Variants in RBFOX1 observed in about 807,000 individuals in gnomAD.
The protein encoded by RBFOX1 is RNA binding fox-1 homolog 1.
A neutral mutation model predicts 57.7 loss-of-function variants in RBFOX1; 8 were observed. The observed-to-expected ratio is 0.14, with a 90% CI of 0.08 to 0.25. RBFOX1 has a LOEUF of 0.25. RBFOX1 is among the 10% of genes least tolerant of loss of function. RBFOX1 has a pLI of 1.00. For missense variants in RBFOX1, 611 were observed against 548.5 expected (o/e 1.11, Z -1.14); for synonymous variants, 326 against 222.4 (o/e 1.47, Z -4.15).
At chr16:5,425,532 C>A (rs1049005558) in intron 1 of RBFOX1, among the ~76,000 whole-genome samples, 1 of 152,220 alleles carries the variant, frequency 6.6e-6, no homozygotes, top group Admixed American at 6.5e-5. Context: ...ATGCTATTTA[C>A]CAAATTGGGC....
chr16:6,928,228 C>G (rs1296958239), intron 3 of RBFOX1, among the ~76,000 whole-genome samples: 1 of 152,154 alleles, frequency 6.6e-6, no homozygotes, highest in East Asian at 1.9e-4. Flanking sequence ...CCCGAAGATT[C>G]TGATTTAATT....
At chr16:7,012,707 T>C (rs2093710739) in intron 3 of RBFOX1, among the ~76,000 whole-genome samples, 1 of 152,124 alleles carries the variant, frequency 6.6e-6, no homozygotes, top group Non-Finnish European at 1.5e-5. Flanking sequence ...GAGGCCAGAG[T>C]GACTTGCTTT....
chr16:6,157,277 G>A (rs900262277), intron 1 of RBFOX1, among the ~76,000 whole-genome samples: 10 of 152,130 alleles, frequency 6.6e-5, no homozygotes, highest in Non-Finnish European at 1.2e-4. Flanking sequence ...GCAAACAGGT[G>A]GCCAAGGTAA....
chr16:5,756,674 A>C (rs80263893), intron 3 of RBFOX1, among the ~76,000 whole-genome samples: 5,590 of 152,184 alleles, frequency 0.037, 331 homozygotes, highest in African/African-American at 0.13. Flanking sequence ...TTGATAACTA[A>C]TTTCCTCAAT....
At chr16:6,236,000 T>A (rs923643594) in intron 1 of RBFOX1, among the ~76,000 whole-genome samples, 2 of 151,832 alleles carry the variant, frequency 1.3e-5, no homozygotes, top group African/African-American at 4.8e-5. Flanking sequence ...CAATAACCTA[T>A]GGAAATAAAA....
intron 2 of RBFOX1, among the ~76,000 whole-genome samples, chr16:6,553,556 C>G (rs1319979898): frequency 2.0e-5 from 3 of 152,206 alleles, no homozygotes; most frequent in Non-Finnish European, 4.4e-5. Context: ...GTCACCAAGT[C>G]TATCTAATCA....
Position 7,052,096 on chromosome 16 carries a change from A to G in RBFOX1, c.25A>G (p.Arg9Gly), listed in dbSNP as rs750591835. MNCEREQL[R>G]GNQEAAAAPD... ...GATGAATTGTGAAAGAGAGCAGCTA[A>G]GGGTAGGTGCACCTGCTTGTAAAAT... Residue 9 changes from arginine (R) to glycine (G), a missense_variant and splice_region_variant, in exon 4 of 16, where the codon AGG becomes GGG. Around this residue, in one of 3 missense-constraint regions of RBFOX1, gnomAD observed 245 missense variants for 159.1 expected, o/e 1.54. Transcript: ENST00000550418. 6.2e-7 allele frequency: 1 copy of G among 1,607,646 alleles called. No individual in the cohort carries two copies.
chr16:7,213,180 A>G (rs1027254424), intron 4 of RBFOX1, among the ~76,000 whole-genome samples: 1 of 152,228 alleles, frequency 6.6e-6, no homozygotes, highest in Non-Finnish European at 1.5e-5. Flanking sequence ...TGTCAGGATC[A>G]GGAGAAATGC....
At chr16:6,698,600 T>C (rs143339875) in intron 3 of RBFOX1, among the ~76,000 whole-genome samples, 1 of 152,258 alleles carries the variant, frequency 6.6e-6, no homozygotes, top group Non-Finnish European at 1.5e-5. Context: ...CCCCACAGGG[T>C]CTAACATGCC....
intron 11 of RBFOX1, among the ~76,000 whole-genome samples, chr16:7,637,248 T>C (rs1472659101): frequency 2.0e-5 from 3 of 148,792 alleles, no homozygotes; most frequent in Admixed American, 6.7e-5. Flanking sequence ...CCTGAAATTT[T>C]CACCCTGATA....
At chr16:7,298,402 C>G (rs558884871) in intron 4 of RBFOX1, among the ~76,000 whole-genome samples, 1 of 149,512 alleles carries the variant, frequency 6.7e-6, no homozygotes, top group African/African-American at 2.5e-5. Context: ...GATTCTCATG[C>G]GTCTGCCTCC....
intron 3 of RBFOX1, among the ~76,000 whole-genome samples, chr16:6,939,808 G>C (rs112538227): frequency 2.6e-5 from 4 of 152,188 alleles, no homozygotes; most frequent in African/African-American, 9.6e-5. Context: ...CATCATGCTG[G>C]ACCAGAATTT....
intron 1 of RBFOX1, among the ~76,000 whole-genome samples, chr16:5,383,269 G>A (rs2066174028): frequency 6.6e-6 from 1 of 152,114 alleles, no homozygotes; most frequent in Non-Finnish European, 1.5e-5. Context: ...TATAAGTGGC[G>A]CCCACTGGTG....
chr16:7,232,813 A>G (rs1017067584), intron 4 of RBFOX1, among the ~76,000 whole-genome samples: 2 of 147,274 alleles, frequency 1.4e-5, no homozygotes, highest in African/African-American at 5.0e-5. Flanking sequence ...TGGTCATTAC[A>G]CTCCAGCCTG....
chr16:7,051,275 T>C (rs2153728703), intron 3 of RBFOX1, among the ~76,000 whole-genome samples: 1 of 152,334 alleles, frequency 6.6e-6, no homozygotes, highest in Non-Finnish European at 1.5e-5. Context: ...TTCCTTTTTA[T>C]TTGTGTCCTT....
intron 2 of RBFOX1, among the ~76,000 whole-genome samples, chr16:5,547,213 A>G (rs1420248349): frequency 6.6e-6 from 1 of 152,214 alleles, no homozygotes; most frequent in African/African-American, 2.4e-5. Flanking sequence ...CTGGTTCAAC[A>G]TGCACCTGTC....
chr16:7,567,223 A>C (rs1426935241), intron 5 of RBFOX1, among the ~76,000 whole-genome samples: 1 of 145,076 alleles, frequency 6.9e-6, no homozygotes, highest in Non-Finnish European at 1.5e-5. Flanking sequence ...ATCCATATAT[A>C]TATCCCTATA....
chr16:6,351,366 ATATATAT>A (rs2086338987), intron 2 of RBFOX1, among the ~76,000 whole-genome samples: 1 of 99,036 alleles, frequency 1.0e-5, no homozygotes, highest in African/African-American at 4.9e-5. Context: ...ATATATATAT[ATATATAT>A]TTTTTTTTTT....
chr16:6,495,691 G>T (rs1010386532), intron 2 of RBFOX1, among the ~76,000 whole-genome samples: 6 of 152,138 alleles, frequency 3.9e-5, no homozygotes, highest in Non-Finnish European at 7.3e-5. Flanking sequence ...TCTCCAAGAC[G>T]TAGATTTCAC....
Sources: gnomAD v4.1 joint callset for allele counts (sites outside exome capture counted in the v4.1 genomes callset) on GRCh38, gnomAD v4.1.1 for gene constraint, gnomAD v4.1.1 regional missense constraint, MANE v1.5 for transcripts, NCBI Gene and HGNC (gene_info 2026-07-23, HGNC 2026-07-21) for gene names.